MGA: variants seen among roughly 807,000 people sequenced by gnomAD.
MGA encodes the protein MAX dimerization protein MGA, also known as MAX gene-associated protein.
MGA carries 40 observed loss-of-function variants against 261.1 expected under a neutral mutation model. The observed-to-expected ratio is 0.15, with a 90% CI of 0.12 to 0.20. The LOEUF is 0.20. MGA is among the 10% of genes least tolerant of loss of function. MGA has a pLI of 1.00. For missense variants in MGA, 3,397 were observed against 3,630.5 expected (o/e 0.94, Z 1.65); for synonymous variants, 1,302 against 1,290.6 (o/e 1.01, Z -0.19).
Position 41,696,211 on chromosome 15 carries a change from A to G in MGA, c.1201A>G (p.Thr401Ala), listed in dbSNP as rs201540755. 381 of 1,613,974 alleles carry G rather than the reference A, an allele frequency of 2.4e-4. No individual in the cohort carries two copies. Among genetic ancestry groups the G allele is most frequent in the Middle Eastern group, 4.9e-4 (3 of 6,062 alleles). The change falls in exon 3 of 24, where the codon ACT becomes GCT. Residue 401 changes from threonine (T) to alanine (A), a missense_variant. Thr to Ala is a moderately conservative substitution (Grantham distance 58). Coordinates refer to ENST00000219905, the MANE Select transcript of MGA (RefSeq NM_001164273.2). ...ACTTGGTGAGTGCCCAGAAGGGGTC[A>G]CTGTGAAACAGGAAGAGACAGATGA...
chr15:41,702,718 A>G (rs1026324582), intron 5 of MGA, among the ~76,000 whole-genome samples: 35 of 152,146 alleles, frequency 2.3e-4, no homozygotes, highest in African/African-American at 8.2e-4. Flanking sequence ...GTGGTACTAT[A>G]TTTTTGTTTG....
chr15:41,666,531 T>C (rs1260260658), intron 1 of MGA, among the ~76,000 whole-genome samples: 8 of 152,216 alleles, frequency 5.3e-5, no homozygotes, highest in Admixed American at 3.3e-4. Context: ...CCTTATATTA[T>C]GCAGTAGACT....
In MGA at chr15:41,670,084, C is replaced by G. The variant is rs958685103; in HGVS notation, c.1064+126C>G. 5 of 740,046 alleles carry G rather than the reference C, an allele frequency of 6.8e-6. No individual in the cohort carries two copies. The African/African-American group carries it at 8.9e-5, about 13-fold the overall frequency. 45.8% of individuals were successfully genotyped at this position (740,046 alleles called of 1,614,324 possible). ...TAAATGTAAGCCACTATAAAATATA[C>G]TACAACTGCTTTTACATTCTGTGAA... On this transcript the variant is annotated intron_variant, in intron 2 of 23. Coordinates refer to ENST00000219905, the MANE Select transcript of MGA (RefSeq NM_001164273.2).
intron 11 of MGA, among the ~76,000 whole-genome samples, chr15:41,733,727 A>T (rs1370822445): frequency 6.6e-6 from 1 of 152,202 alleles, no homozygotes; most frequent in Non-Finnish European, 1.5e-5. Flanking sequence ...ACATACGCAT[A>T]TATATAGCTG....
At chr15:41,718,076 T>A (rs2151562884) in intron 9 of MGA, among the ~76,000 whole-genome samples, 1 of 151,074 alleles carries the variant, frequency 6.6e-6, no homozygotes, top group Admixed American at 6.6e-5. Context: ...AATTAGTAAA[T>A]ATGTCCATAT....
Position 41,711,139 on chromosome 15 carries a change from T to A in MGA, c.2874T>A (p.Thr958=). 2.5e-6 allele frequency: 4 copies of A among 1,614,030 alleles called. No homozygotes were observed. Among genetic ancestry groups the A allele is most frequent in the Non-Finnish European group, 3.4e-6 (4 of 1,179,906 alleles). ...AGGCGAATAACTTTGTTGTGCCAAC[T>A]TTGGATGAAAATATATTTCCAAAGC... The change falls in exon 8 of 24, where the codon ACT becomes ACA. Residue 958 remains threonine, a synonymous_variant. Transcript: ENST00000219905.
intron 1 of MGA, among the ~76,000 whole-genome samples, chr15:41,650,531 T>C (rs1269372590): frequency 1.3e-5 from 2 of 152,052 alleles, no homozygotes; most frequent in South Asian, 2.1e-4. Context: ...TCCACCTCCC[T>C]GGTTCAAGCA....
chr15:41,654,300 A>G (rs1368977559), intron 1 of MGA, among the ~76,000 whole-genome samples: 13 of 152,304 alleles, frequency 8.5e-5, no homozygotes, highest in East Asian at 1.9e-4. Context: ...TGAATTTTTC[A>G]TCTATCTAAG....
At chr15:41,667,703 G>A (rs2150929692) in intron 1 of MGA, among the ~76,000 whole-genome samples, 1 of 152,228 alleles carries the variant, frequency 6.6e-6, no homozygotes, top group East Asian at 1.9e-4. Flanking sequence ...AGGGAAAGGA[G>A]TTCTTTATAA....
intron 1 of MGA, among the ~76,000 whole-genome samples, chr15:41,654,046 G>C (rs1018803902): frequency 6.7e-6 from 1 of 149,480 alleles, no homozygotes; most frequent in African/African-American, 2.5e-5. Context: ...GCTGTCCTTC[G>C]GTCTCAACTG....
chr15:41,666,991 A>G (rs1332302839), intron 1 of MGA, among the ~76,000 whole-genome samples: 2 of 152,168 alleles, frequency 1.3e-5, no homozygotes, highest in Non-Finnish European at 2.9e-5. Flanking sequence ...TAGAGATTCT[A>G]TTATTTTATA....
At chr15:41,762,015 C>T (rs2063486923) in intron 21 of MGA, 114 bp from the exon 22 acceptor site, 2 of 1,053,198 alleles carry the variant, frequency 1.9e-6, no homozygotes, top group Admixed American at 2.5e-5. Context: ...ATTGTAATCA[C>T]CTTACTTTCC....
At chr15:41,736,730 C>G (rs771416901) in intron 13 of MGA, 32 bp downstream of exon 13, 5 of 1,541,824 alleles carry the variant, frequency 3.2e-6, no homozygotes, top group African/African-American at 2.7e-5. Flanking sequence ...GGTATAGCAC[C>G]TTTGTATACA....
intron 17 of MGA, among the ~76,000 whole-genome samples, chr15:41,753,098 T>C (rs1418628386): frequency 6.6e-6 from 1 of 152,232 alleles, no homozygotes; most frequent in Non-Finnish European, 1.5e-5. Context: ...GTGGAAGTTA[T>C]TGGAATATTA....
intron 1 of MGA, among the ~76,000 whole-genome samples, chr15:41,635,524 CT>C (rs1188876654): frequency 1.6e-3 from 243 of 151,832 alleles, no homozygotes; most frequent in Middle Eastern, 6.8e-3. Flanking sequence ...GACCCCCCCC[CT>C]CCTATAAAAA....
chr15:41,717,197 A>G lies in MGA; in HGVS notation c.3430+3701A>G, dbSNP rs888106947. ...ATTCTGCCTCCTTGTTGTAGACCCC[A>G]GTGGCCTTTACTTTTATCACCTGCT... is the stretch of plus-strand genomic sequence containing the variant. On this transcript the variant is annotated intron_variant, in intron 9 of 23. Transcript: ENST00000219905. Among the ~76,000 whole-genome samples the G allele has an allele frequency of 4.6e-5, 7 of 152,276 alleles. 1 individual carries two copies. In the Middle Eastern group the frequency reaches 0.014, roughly 296 times the overall value.
chr15:41,669,815 G>A lies in MGA; in HGVS notation c.921G>A (p.Leu307=). 1 of 1,613,938 alleles carries A rather than the reference G, an allele frequency of 6.2e-7. No homozygotes were observed. The highest frequency in any genetic ancestry group is 8.5e-7 in the Non-Finnish European group (1 of 1,179,874). The stretch of plus-strand genomic sequence containing the variant: ...GGTCAGAGATACAACCAGGTGATTT[G>A]GATCCTTTGTCAAGGGGTCATGAAA... Residue 307 remains leucine, a synonymous_variant, in exon 2 of 24, where the codon TTG becomes TTA. Transcript: ENST00000219905.
intron 8 of MGA, 113 bp from the exon 9 acceptor site, chr15:41,713,038 T>A: frequency 7.0e-7 from 1 of 1,429,302 alleles, no homozygotes; most frequent in Non-Finnish European, 9.4e-7. Context: ...GCATTAGTCC[T>A]GTGCTGTTAG....
intron 2 of MGA, among the ~76,000 whole-genome samples, chr15:41,677,526 C>A (rs1595679541): frequency 6.6e-6 from 1 of 152,212 alleles, no homozygotes; most frequent in African/African-American, 2.4e-5. Context: ...AACCGCAATA[C>A]TGTTTTCCAA....
Sources: allele counts gnomAD v4.1 joint callset (sites outside exome capture counted in the v4.1 genomes callset), GRCh38; gene constraint gnomAD v4.1.1; transcripts MANE v1.5; gene names NCBI Gene and HGNC (gene_info 2026-07-23, HGNC 2026-07-21).